VAV3: variants seen among roughly 807,000 people sequenced by gnomAD.
The protein encoded by VAV3 is guanine nucleotide exchange factor VAV3.
A neutral mutation model predicts 131.2 loss-of-function variants in VAV3; 94 were observed. That is an observed-to-expected ratio of 0.72 (90% CI 0.61 to 0.85). The LOEUF (loss-of-function observed/expected upper bound fraction) is 0.85, where lower values mean the gene tolerates loss of function less well. VAV3 is among the 40% of genes least tolerant of loss of function. The pLI, the probability that VAV3 is intolerant of heterozygous loss-of-function variation, is 0.00. For missense variants in VAV3, 939 were observed against 1,002.7 expected (o/e 0.94, Z 0.86); for synonymous variants, 349 against 342.0 (o/e 1.02, Z -0.22).
intron 21 of VAV3, among the ~76,000 whole-genome samples, chr1:107,616,373 G>C (rs1653154018): frequency 6.6e-6 from 1 of 152,066 alleles, no homozygotes; most frequent in African/African-American, 2.4e-5. Flanking sequence ...ATTTATAAGT[G>C]AAAGTTAAAA....
intron 1 of VAV3, among the ~76,000 whole-genome samples, chr1:107,933,808 C>G (rs1404083661): frequency 1.2e-5 from 1 of 80,146 alleles, no homozygotes; most frequent in African/African-American, 3.9e-5. Context: ...AAAATGAGAC[C>G]CTTCTCAAAA....
chr1:107,582,502 G>C (rs972778647), intron 25 of VAV3, among the ~76,000 whole-genome samples: 2 of 151,670 alleles, frequency 1.3e-5, no homozygotes, highest in Non-Finnish European at 2.9e-5. Context: ...ACGCTGGTGC[G>C]CTGCACCCAC....
At chr1:107,704,517 A>C in intron 17 of VAV3, 33 bp downstream of exon 17, 1 of 1,567,502 alleles carries the variant, frequency 6.4e-7, no homozygotes, top group Non-Finnish European at 8.8e-7. Context: ...TGTCCTCATT[A>C]AAAACAGAAT....
intron 20 of VAV3, among the ~76,000 whole-genome samples, chr1:107,637,724 G>C (rs1322453779): frequency 6.6e-6 from 1 of 152,126 alleles, no homozygotes; most frequent in Non-Finnish European, 1.5e-5. Context: ...CACACTTCAG[G>C]AAGAAATAAT....
chr1:107,684,074 A>C (rs554126922), intron 18 of VAV3, among the ~76,000 whole-genome samples: 1 of 152,370 alleles, frequency 6.6e-6, no homozygotes, highest in Admixed American at 6.5e-5. Context: ...CACTTTAAAA[A>C]ACAAAACAGA....
At chr1:107,832,164 T>C (rs1668281940) in intron 2 of VAV3, among the ~76,000 whole-genome samples, 1 of 152,214 alleles carries the variant, frequency 6.6e-6, no homozygotes, top group Non-Finnish European at 1.5e-5. Flanking sequence ...CTGATCTGGT[T>C]ATAAGAGCAA....
At chr1:107,906,970 G>C (rs2101105925) in intron 1 of VAV3, among the ~76,000 whole-genome samples, 1 of 152,276 alleles carries the variant, frequency 6.6e-6, no homozygotes, top group African/African-American at 2.4e-5. Context: ...TGAAGCATGG[G>C]TGGAGGTCCA....
chr1:107,643,576 T>C (rs1314304380), intron 19 of VAV3, among the ~76,000 whole-genome samples: 2 of 152,146 alleles, frequency 1.3e-5, no homozygotes, highest in Non-Finnish European at 2.9e-5. Context: ...AAACATGATA[T>C]TTTTTGCACA....
rs182123403 is a variant in VAV3, at chr1:107,575,726, G to A, written c.2351-1528C>T. Among the ~76,000 whole-genome samples, 25 of 152,292 alleles carry A rather than the reference G, an allele frequency of 1.6e-4. No individual in the cohort carries two copies. In the East Asian group the frequency reaches 4.8e-3, roughly 29 times the overall value. The stretch of plus-strand genomic sequence containing the variant: ...CCACATTTTTTCTCATCTATGAAAT[G>A]AAATGTTTGTACTAGATGACTTCTA... On this transcript the variant is annotated intron_variant, in intron 25 of 26. Coordinates refer to ENST00000370056, the MANE Select transcript of VAV3 (RefSeq NM_006113.5).
chr1:107,918,953 C>A (rs1347802571), intron 1 of VAV3, among the ~76,000 whole-genome samples: 2 of 151,904 alleles, frequency 1.3e-5, no homozygotes, highest in African/African-American at 2.4e-5. Context: ...GTGATCCGCC[C>A]GCCTCAGCCT....
intron 15 of VAV3, among the ~76,000 whole-genome samples, chr1:107,745,145 T>A (rs1472777667): frequency 6.6e-6 from 1 of 152,132 alleles, no homozygotes; most frequent in Non-Finnish European, 1.5e-5. Flanking sequence ...CCATTTGCCG[T>A]CCTGTTTCAC....
chr1:107,850,023 C>T lies in VAV3; in HGVS notation c.321+24878G>A, dbSNP rs377458052. On this transcript the variant is annotated intron_variant, in intron 2 of 26. Transcript: ENST00000370056. Reference sequence around the variant, plus strand: ...AAATTCAGATCAAAACCATGAGATACCATCTCATGCCAGTTAGAATGGCAA... The same window carrying T: ...AAATTCAGATCAAAACCATGAGATATCATCTCATGCCAGTTAGAATGGCAA... 1.0e-3 allele frequency among the ~76,000 whole-genome samples: 159 copies of T among 152,210 alleles called. 1 individual carries two copies. In the South Asian group the frequency reaches 0.015, roughly 14 times the overall value.
At chr1:107,800,785 G>A (rs1666791250) in intron 2 of VAV3, among the ~76,000 whole-genome samples, 1 of 152,100 alleles carries the variant, frequency 6.6e-6, no homozygotes, top group Non-Finnish European at 1.5e-5. Context: ...TCTTCACTTT[G>A]TTGATTGTTA....
intron 2 of VAV3, among the ~76,000 whole-genome samples, chr1:107,863,488 T>C (rs1033179030): frequency 3.2e-4 from 49 of 152,204 alleles, no homozygotes; most frequent in African/African-American, 1.1e-3. Context: ...TCAGAATCAG[T>C]GCAGACCCTG....
chr1:107,805,555 A>G (rs1667020920), intron 2 of VAV3, among the ~76,000 whole-genome samples: 1 of 152,178 alleles, frequency 6.6e-6, no homozygotes, highest in African/African-American at 2.4e-5. Context: ...AAATTTATGA[A>G]TTGCTTTTCT....
intron 15 of VAV3, among the ~76,000 whole-genome samples, chr1:107,714,890 C>T (rs1164036234): frequency 1.3e-5 from 2 of 152,060 alleles, no homozygotes; most frequent in African/African-American, 2.4e-5. Flanking sequence ...CTATATATTA[C>T]ACTTCTTTAT....
At chr1:107,610,005 A>G in intron 21 of VAV3, 40 bp from the exon 22 acceptor site, 1 of 1,597,686 alleles carries the variant, frequency 6.3e-7, no homozygotes, top group South Asian at 1.1e-5. Context: ...AGTTTACATA[A>G]GGGAAGCTTT....
intron 1 of VAV3, among the ~76,000 whole-genome samples, chr1:107,953,459 T>C (rs1287025010): frequency 1.3e-5 from 2 of 152,226 alleles, no homozygotes; most frequent in African/African-American, 4.8e-5. Context: ...TCAGTGTTGT[T>C]AAGTGCCAGA....
intron 18 of VAV3, among the ~76,000 whole-genome samples, chr1:107,687,126 T>C (rs1197903324): frequency 1.3e-5 from 2 of 152,140 alleles, no homozygotes; most frequent in Non-Finnish European, 2.9e-5. Context: ...AAGGAACTCT[T>C]TGGTTAATTT....
Sources: gnomAD v4.1 joint callset for allele counts (sites outside exome capture counted in the v4.1 genomes callset) on GRCh38, gnomAD v4.1.1 for gene constraint, MANE v1.5 for transcripts, NCBI Gene and HGNC (gene_info 2026-07-23, HGNC 2026-07-21) for gene names.